Variants in RTTN observed in about 807,000 individuals in gnomAD.
RTTN encodes the protein rotatin.
RTTN carries 182 observed loss-of-function variants against 269.2 expected under a neutral mutation model. The observed-to-expected ratio is 0.68, with a 90% CI of 0.60 to 0.76. RTTN has a LOEUF of 0.76. Ranked by LOEUF, RTTN falls within the 30% of genes least tolerant of loss-of-function variation. The pLI is 0.00. For missense variants in RTTN, 2,545 were observed against 2,608.6 expected (o/e 0.98, Z 0.53); for synonymous variants, 1,006 against 963.5 (o/e 1.04, Z -0.82).
chr18:70,114,554 C>T lies in RTTN; in HGVS notation c.3574G>A (p.Ala1192Thr), dbSNP rs1490708543. 11 of 1,613,416 alleles carry T rather than the reference C, an allele frequency of 6.8e-6. No homozygotes were observed. The highest frequency in any genetic ancestry group is 8.5e-6 in the Non-Finnish European group (10 of 1,179,594). The change falls in exon 27 of 49, where the codon GCA becomes ACA. Residue 1192 changes from alanine (A) to threonine (T), a missense_variant. Ala to Thr is a moderately conservative substitution (Grantham distance 58, BLOSUM62 0). Coordinates refer to ENST00000640769, the MANE Select transcript of RTTN (RefSeq NM_173630.4). ...LDLLVLTESQ[A>T]REETDDIRTA... is the part of the protein sequence containing the mutation. ...CGGATATCATCTGTTTCTTCTCGTG[C>T]CTGTGACTCTGTCAGAACCAAGAGG...
In RTTN at chr18:70,176,695, T is replaced by C. The variant is rs2061310589; in HGVS notation, c.1456A>G (p.Thr486Ala). The change falls in exon 11 of 49, where the codon ACG becomes GCG. Residue 486 changes from threonine (T) to alanine (A), a missense_variant. By Grantham distance (58) the Thr-to-Ala change is moderately conservative. Coordinates refer to ENST00000640769, the MANE Select transcript of RTTN (RefSeq NM_173630.4). ...CTTACCTTTTCAACAGGGAGAAGCG[T>C]TTGTAGCAGTCGAACTGCAAACAGG... Reference protein sequence around the residue: ...ISLFAVRLLQTLLPVEKASEF... With the variant: ...ISLFAVRLLQALLPVEKASEF... 1.2e-6 allele frequency: 2 copies of C among 1,613,624 alleles called. No individual in the cohort carries two copies. The highest frequency in any genetic ancestry group is 1.3e-5 in the African/African-American group (1 of 75,042).
chr18:70,040,920 G>C (rs998867460), intron 40 of RTTN, among the ~76,000 whole-genome samples: 2 of 152,178 alleles, frequency 1.3e-5, no homozygotes, highest in African/African-American at 4.8e-5. Context: ...AAAATTTCTT[G>C]AAACAAATGA....
At chr18:70,175,440 T>A (rs985865282) in intron 11 of RTTN, among the ~76,000 whole-genome samples, 1 of 152,056 alleles carries the variant, frequency 6.6e-6, no homozygotes, top group African/African-American at 2.4e-5. Context: ...TAACTCAAAC[T>A]ACAAATATGG....
intron 40 of RTTN, among the ~76,000 whole-genome samples, chr18:70,044,277 C>A (rs958332783): frequency 2.0e-5 from 3 of 152,142 alleles, no homozygotes; most frequent in South Asian, 2.1e-4. Flanking sequence ...TAAAATAAGG[C>A]ACAAGAGTTC....
At chr18:70,048,383 T>C (rs2057553998) in intron 39 of RTTN, among the ~76,000 whole-genome samples, 195 bp from the exon 40 acceptor site, 1 of 152,218 alleles carries the variant, frequency 6.6e-6, no homozygotes, top group Admixed American at 6.5e-5. Flanking sequence ...GTTGGCACAA[T>C]GTACAAACAA....
chr18:70,165,546 G>C (rs1204981142), intron 14 of RTTN, among the ~76,000 whole-genome samples: 1 of 151,808 alleles, frequency 6.6e-6, no homozygotes, highest in East Asian at 1.9e-4. Context: ...ACACTTTCAA[G>C]AGTACGCAGT....
intron 23 of RTTN, chr18:70,129,096 C>G (rs960857165): frequency 6.6e-6 from 1 of 151,878 alleles, no homozygotes; most frequent in Non-Finnish European, 1.5e-5. Flanking sequence ...CAACAAGAAC[C>G]AAGAAATATG....
intron 14 of RTTN, among the ~76,000 whole-genome samples, chr18:70,152,457 A>G (rs1190971460): frequency 1.3e-5 from 2 of 152,216 alleles, no homozygotes; most frequent in Admixed American, 6.5e-5. Context: ...TACTTGATAC[A>G]TAAGAGTAAA....
At chr18:70,119,930 C>T (rs1444604606) in intron 26 of RTTN, among the ~76,000 whole-genome samples, 1 of 152,162 alleles carries the variant, frequency 6.6e-6, no homozygotes, top group Non-Finnish European at 1.5e-5. Flanking sequence ...ACAGTCCCTA[C>T]CTTCACCAAT....
intron 14 of RTTN, among the ~76,000 whole-genome samples, chr18:70,157,857 G>A (rs1456432434): frequency 1.3e-5 from 2 of 151,730 alleles, no homozygotes; most frequent in African/African-American, 2.4e-5. Context: ...AAAAATCTCA[G>A]AGCTCAAAGA....
chr18:70,196,343 C>T (rs1314068882), intron 7 of RTTN, among the ~76,000 whole-genome samples, 158 bp downstream of exon 7: 3 of 150,144 alleles, frequency 2.0e-5, no homozygotes, highest in Non-Finnish European at 4.4e-5. Flanking sequence ...CTGTCATTCA[C>T]GCAATCTGTA....
intron 10 of RTTN, among the ~76,000 whole-genome samples, chr18:70,186,175 C>G (rs1247114673): frequency 6.6e-6 from 1 of 151,840 alleles, no homozygotes; most frequent in Non-Finnish European, 1.5e-5. Flanking sequence ...AGAAACAACC[C>G]CATTGTCCAC....
chr18:70,133,468 A>G (rs1215348237), intron 23 of RTTN, among the ~76,000 whole-genome samples: 1 of 152,178 alleles, frequency 6.6e-6, no homozygotes, highest in Non-Finnish European at 1.5e-5. Flanking sequence ...TAATAGCCCA[A>G]AACAGAAAAC....
At chr18:70,143,444 G>T (rs938190770) in intron 18 of RTTN, among the ~76,000 whole-genome samples, 2 of 152,132 alleles carry the variant, frequency 1.3e-5, no homozygotes, top group East Asian at 3.8e-4. Flanking sequence ...TGTCTTTTGA[G>T]GGAACATGGA....
At chr18:70,197,923 T>C (rs558213424) in intron 5 of RTTN, among the ~76,000 whole-genome samples, 185 bp from the exon 6 acceptor site, 2 of 152,304 alleles carry the variant, frequency 1.3e-5, no homozygotes, top group Non-Finnish European at 1.5e-5. Flanking sequence ...CTCCTTCCGT[T>C]TGTCCATTAT....
chr18:70,056,974 A>G (rs1341372693), intron 37 of RTTN, among the ~76,000 whole-genome samples: 1 of 152,240 alleles, frequency 6.6e-6, no homozygotes, highest in Non-Finnish European at 1.5e-5. Context: ...GATGGAGAGC[A>G]GAAAAATGGA....
At chr18:70,120,486 C>T (rs2059708252) in intron 26 of RTTN, among the ~76,000 whole-genome samples, 1 of 152,108 alleles carries the variant, frequency 6.6e-6, no homozygotes, top group Non-Finnish European at 1.5e-5. Flanking sequence ...CTAAGTTTCG[C>T]AAATGTGTTA....
chr18:70,113,406 A>C (rs1353429376), intron 27 of RTTN, among the ~76,000 whole-genome samples: 3 of 152,200 alleles, frequency 2.0e-5, no homozygotes, highest in African/African-American at 7.2e-5. Flanking sequence ...GGATATGAAG[A>C]AAATGAAACA....
At chr18:70,176,581 C>T in intron 11 of RTTN, 94 bp downstream of exon 11, 1 of 1,196,164 alleles carries the variant, frequency 8.4e-7, no homozygotes, top group Non-Finnish European at 1.1e-6. Context: ...AAGCACAATA[C>T]CTTCACACCA....
Sources: gnomAD v4.1 joint callset for allele counts (sites outside exome capture counted in the v4.1 genomes callset) on GRCh38, gnomAD v4.1.1 for gene constraint, MANE v1.5 for transcripts, NCBI Gene and HGNC (gene_info 2026-07-23, HGNC 2026-07-21) for gene names.